CDH12: variants seen among roughly 807,000 people sequenced by gnomAD.
The protein encoded by CDH12 is cadherin 12.
CDH12 carries 41 observed loss-of-function variants against 74.1 expected under a neutral mutation model. The observed-to-expected ratio is 0.55, with a 90% CI of 0.43 to 0.72. CDH12 has a LOEUF of 0.72. CDH12 is among the 30% of genes least tolerant of loss of function. The probability of loss-of-function intolerance (pLI) is 0.00; values close to 1 mark genes in which losing one functional copy is unlikely to be tolerated. For synonymous variants in CDH12, 399 were observed against 355.0 expected (o/e 1.12, Z -1.39); for missense variants, 945 against 977.2 (o/e 0.97, Z 0.44).
At chr5:22,171,284 A>G (rs192952280) in intron 4 of CDH12, among the ~76,000 whole-genome samples, 13 of 151,948 alleles carry the variant, frequency 8.6e-5, no homozygotes, top group African/African-American at 3.1e-4. Flanking sequence ...ATCTCTAATG[A>G]TTAATTGGAT....
At position 21,979,811 on chromosome 5, in the gene CDH12, TA is replaced by T. The variant is rs1284268425; in HGVS notation, c.232-4427del. Among the ~76,000 whole-genome samples, 861 of 141,142 alleles carry T rather than the reference TA, an allele frequency of 6.1e-3. 5 individuals are homozygous for T. Among genetic ancestry groups the T allele is most frequent in the African/African-American group, 0.015 (591 of 38,742 alleles). 92.6% of individuals were successfully genotyped at this position (141,142 alleles called of 152,430 possible). On this transcript the variant is annotated intron_variant, in intron 5 of 14. Coordinates refer to ENST00000382254, the MANE Select transcript of CDH12 (RefSeq NM_004061.5). ...TGGATATATGTGTTTTTTACATGAG[TA>T]AAAAAAAAAAAATGGTATTTCTAGT...
intron 4 of CDH12, among the ~76,000 whole-genome samples, chr5:22,117,824 A>AT (rs397802590): frequency 1.5e-4 from 22 of 151,128 alleles, no homozygotes; most frequent in Non-Finnish European, 5.9e-5. Flanking sequence ...TGTGAAAAAA[A>AT]TGTAATGTTA....
chr5:22,207,135 C>T (rs759626105), intron 4 of CDH12, among the ~76,000 whole-genome samples: 4 of 146,548 alleles, frequency 2.7e-5, no homozygotes, highest in Non-Finnish European at 4.4e-5. Flanking sequence ...AGGAGAATGG[C>T]GTGAACCTGG....
chr5:22,027,440 G>C (rs1580133448), intron 5 of CDH12, among the ~76,000 whole-genome samples: 1 of 152,066 alleles, frequency 6.6e-6, no homozygotes, highest in Non-Finnish European at 1.5e-5. Flanking sequence ...AATCCATCTG[G>C]TCCTGGACTC....
At position 21,847,427 on chromosome 5, in the gene CDH12, G is replaced by C. The variant is rs557083258; in HGVS notation, c.647-5099C>G. ...AACTTACTATCTTACAATTCTGGAT[G>C]TAAGGAGGCCAACAAGGGGCAGGGC... is the stretch of plus-strand genomic sequence containing the variant. On this transcript the variant is annotated intron_variant, in intron 7 of 14. Transcript: ENST00000382254. 1.3e-4 allele frequency among the ~76,000 whole-genome samples: 20 copies of C among 152,184 alleles called. No homozygotes were observed. The South Asian group carries it at 4.1e-3, about 31-fold the overall frequency.
At chr5:22,328,651 T>C (rs1255723194) in intron 3 of CDH12, among the ~76,000 whole-genome samples, 1 of 152,074 alleles carries the variant, frequency 6.6e-6, no homozygotes, top group African/African-American at 2.4e-5. Context: ...AACAACAGGA[T>C]TTGGTGTCTC....
At chr5:21,893,039 C>T (rs7713611) in intron 6 of CDH12, among the ~76,000 whole-genome samples, 26,244 of 152,120 alleles carry the variant, frequency 0.17, 2,506 homozygotes, top group African/African-American at 0.24. Context: ...CCCTTTATCA[C>T]CTTTTCATAC....
At chr5:22,021,861 T>C (rs941674686) in intron 5 of CDH12, among the ~76,000 whole-genome samples, 10 of 152,290 alleles carry the variant, frequency 6.6e-5, no homozygotes, top group African/African-American at 2.4e-4. Flanking sequence ...ATTTAGAGAC[T>C]AAGGCTTGCT....
At chr5:22,032,099 A>T (rs1379577739) in intron 5 of CDH12, among the ~76,000 whole-genome samples, 1 of 151,714 alleles carries the variant, frequency 6.6e-6, no homozygotes, top group African/African-American at 2.4e-5. Flanking sequence ...TTATAAATAG[A>T]AATATTATAT....
intron 1 of CDH12, among the ~76,000 whole-genome samples, chr5:22,634,146 T>C (rs534330235): frequency 6.6e-6 from 1 of 152,098 alleles, no homozygotes; most frequent in Non-Finnish European, 1.5e-5. Context: ...AGAATTTATA[T>C]ATTTAGCATA....
chr5:22,660,644 C>G (rs1740299128), intron 1 of CDH12, among the ~76,000 whole-genome samples: 1 of 152,136 alleles, frequency 6.6e-6, no homozygotes, highest in African/African-American at 2.4e-5. Context: ...TCTTGAAGTT[C>G]TGGGCTCAAG....
intron 3 of CDH12, among the ~76,000 whole-genome samples, chr5:22,292,586 T>C (rs959351967): frequency 6.6e-6 from 1 of 151,420 alleles, no homozygotes; most frequent in Admixed American, 6.6e-5. Flanking sequence ...ATTGCCCCAA[T>C]TCAAAATTGG....
At chr5:22,832,557 C>CA (rs1736665743) in intron 1 of CDH12, among the ~76,000 whole-genome samples, 1 of 151,920 alleles carries the variant, frequency 6.6e-6, no homozygotes, top group Non-Finnish European at 1.5e-5. Context: ...ATCAACGTGT[C>CA]AATGAGAGAC....
At chr5:21,997,583 G>C (rs952655350) in intron 5 of CDH12, among the ~76,000 whole-genome samples, 1 of 151,828 alleles carries the variant, frequency 6.6e-6, no homozygotes, top group African/African-American at 2.4e-5. Context: ...ACAATAGACC[G>C]GACTTAAAAA....
chr5:22,815,626 C>T (rs549820234), intron 1 of CDH12, among the ~76,000 whole-genome samples: 7 of 151,490 alleles, frequency 4.6e-5, no homozygotes, highest in South Asian at 4.2e-4. Flanking sequence ...AAAAATTAGC[C>T]GGGCATGGTG....
At chr5:22,573,611 T>G (rs1291300031) in intron 1 of CDH12, among the ~76,000 whole-genome samples, 1 of 152,186 alleles carries the variant, frequency 6.6e-6, no homozygotes, top group Non-Finnish European at 1.5e-5. Context: ...TAGTTTCAAT[T>G]ATTCAGGTCC....
chr5:22,089,792 A>C (rs7713201), intron 4 of CDH12, among the ~76,000 whole-genome samples: 144 of 152,272 alleles, frequency 9.5e-4, no homozygotes, highest in African/African-American at 3.2e-3. Flanking sequence ...TAAAAGGTGA[A>C]AAAGTCAAAC....
At position 22,571,792 on chromosome 5, in the gene CDH12, G is replaced by A. The variant is rs532320891; in HGVS notation, c.-522-66428C>T. On this transcript the variant is annotated intron_variant, in intron 1 of 14. Coordinates refer to ENST00000382254, the MANE Select transcript of CDH12 (RefSeq NM_004061.5). ...GAGAGAGACAAGGAAAAAGCCATGT[G>A]GTGGGGGCAATCGGAACACATAACA... Among the ~76,000 whole-genome samples, 294 of 152,248 alleles carry A rather than the reference G, an allele frequency of 1.9e-3. 2 individuals are homozygous for A. The highest frequency in any genetic ancestry group is 6.7e-3 in the African/African-American group (277 of 41,538).
chr5:22,740,181 T>C (rs1744947947), intron 1 of CDH12, among the ~76,000 whole-genome samples: 1 of 152,084 alleles, frequency 6.6e-6, no homozygotes, highest in East Asian at 1.9e-4. Flanking sequence ...CTTACGTATT[T>C]GGAAATTGAA....
Sources: allele counts gnomAD v4.1 joint callset (sites outside exome capture counted in the v4.1 genomes callset), GRCh38; gene constraint gnomAD v4.1.1; transcripts MANE v1.5; gene names NCBI Gene and HGNC (gene_info 2026-07-23, HGNC 2026-07-21).